HSD17B2: variants seen among roughly 807,000 people sequenced by gnomAD.
The protein encoded by HSD17B2 is hydroxysteroid 17-beta dehydrogenase 2.
In HSD17B2, 32 loss-of-function variants were observed where a neutral mutation model predicts 26.9. The ratio of observed to expected loss-of-function variants is 1.19; its 90% CI spans 0.90 to 1.60. The LOEUF (loss-of-function observed/expected upper bound fraction) is 1.60, where lower values mean the gene tolerates loss of function less well. HSD17B2 is among the 40% of genes most tolerant of loss of function. The probability of loss-of-function intolerance (pLI) is 0.00; values close to 1 mark genes in which losing one functional copy is unlikely to be tolerated. For synonymous variants in HSD17B2, 246 were observed against 186.7 expected (o/e 1.32, Z -2.59); for missense variants, 613 against 468.6 (o/e 1.31, Z -2.85).
At chr16:82,039,386 G>A (rs1567575616) in intron 1 of HSD17B2, among the ~76,000 whole-genome samples, 1 of 151,830 alleles carries the variant, frequency 6.6e-6, no homozygotes, top group Non-Finnish European at 1.5e-5. Context: ...ACTGTATTGG[G>A]GTGGTGAGGG....
chr16:82,054,061 C>A (rs1222402766), intron 1 of HSD17B2, among the ~76,000 whole-genome samples: 1 of 152,122 alleles, frequency 6.6e-6, no homozygotes, highest in African/African-American at 2.4e-5. Context: ...AGCATGTCTA[C>A]AAATTCCCAA....
chr16:82,056,287 C>T (rs1914265618), intron 1 of HSD17B2, among the ~76,000 whole-genome samples: 1 of 152,148 alleles, frequency 6.6e-6, no homozygotes, highest in African/African-American at 2.4e-5. Context: ...TTAGTTTTCT[C>T]TTTTTTGTGT....
chr16:82,089,588 C>T (rs1904624879), intron 3 of HSD17B2, among the ~76,000 whole-genome samples: 1 of 152,132 alleles, frequency 6.6e-6, no homozygotes, highest in African/African-American at 2.4e-5. Context: ...CTTAAAACAT[C>T]AGAAATTTTT....
chr16:82,093,697 A>G (rs894032631), intron 4 of HSD17B2: 2 of 152,220 alleles, frequency 1.3e-5, no homozygotes, highest in Non-Finnish European at 2.9e-5. Flanking sequence ...ATTTGGGGTG[A>G]ATCTGTAGAG....
At position 82,098,308 on chromosome 16, in the gene HSD17B2, T is replaced by A. The variant is rs1406881859; in HGVS notation, c.1036T>A (p.Leu346Met). 6.2e-7 allele frequency: 1 copy of A among 1,614,200 alleles called. No individual in the cohort carries two copies. The highest frequency in any genetic ancestry group is 1.1e-5 in the South Asian group (1 of 91,082). Residue 346 changes from leucine (L) to methionine (M), a missense_variant, in exon 5 of 5, where the codon TTG becomes ATG. By Grantham distance (15) the Leu-to-Met change is conservative. Coordinates refer to ENST00000199936, the MANE Select transcript of HSD17B2 (RefSeq NM_002153.3). ...TTACACGCCAGGGAAAGGCGCTTACTTGTGGATCTGCCTTGCTCACTATTT... is the reference window on the plus strand; with the variant it reads ...TTACACGCCAGGGAAAGGCGCTTACATGTGGATCTGCCTTGCTCACTATTT... ...AYYTPGKGAY[L>M]WICLAHYLPI...
At chr16:82,096,176 A>G (rs1232211321) in intron 4 of HSD17B2, 1 of 152,200 alleles carries the variant, frequency 6.6e-6, no homozygotes, top group Non-Finnish European at 1.5e-5. Context: ...AAAAACATAA[A>G]TGAAAATTAT....
chr16:82,071,055 G>C lies in HSD17B2; in HGVS notation c.592G>C (p.Glu198Gln), dbSNP rs199677279. Residue 198 changes from glutamate (E) to glutamine (Q), a missense_variant, in exon 3 of 5, where the codon GAG becomes CAG. By Grantham distance (29) the Glu-to-Gln change is conservative. Coordinates refer to ENST00000199936, the MANE Select transcript of HSD17B2 (RefSeq NM_002153.3). ...CMAVNFFGTV[E>Q]VTKTFLPLLR... is the part of the protein sequence containing the mutation. Reference sequence around the variant, plus strand: ...GGCCGTGAACTTCTTTGGAACTGTGGAGGTCACAAAGACGTTTTTGCCTCT... The same window carrying C: ...GGCCGTGAACTTCTTTGGAACTGTGCAGGTCACAAAGACGTTTTTGCCTCT... 6.2e-7 allele frequency: 1 copy of C among 1,614,170 alleles called. No individual in the cohort carries two copies. The highest frequency in any genetic ancestry group is 1.3e-5 in the African/African-American group (1 of 75,058).
At position 82,041,642 on chromosome 16, in the gene HSD17B2, A is replaced by C. The variant is rs1913768445; in HGVS notation, c.265+5953A>C. ...CTTCTGCTCCAGCACTGCCGACCAT[A>C]CTTTCTTTCTTTTCATGGCCTCGTT... is the stretch of plus-strand genomic sequence containing the variant. On this transcript the variant is annotated intron_variant, in intron 1 of 4. Transcript: ENST00000199936. 1.3e-5 allele frequency among the ~76,000 whole-genome samples: 2 copies of C among 152,146 alleles called. 1 individual carries two copies. Among genetic ancestry groups the C allele is most frequent in the South Asian group, 4.1e-4 (2 of 4,820 alleles).
At chr16:82,066,401 T>A (rs144914557) in intron 1 of HSD17B2, among the ~76,000 whole-genome samples, 59 of 152,268 alleles carry the variant, frequency 3.9e-4, no homozygotes, top group Middle Eastern at 3.4e-3. Context: ...TGACTATCAT[T>A]CTCTCTCTGG....
chr16:82,058,931 A>T (rs2143956995), intron 1 of HSD17B2, among the ~76,000 whole-genome samples: 1 of 152,192 alleles, frequency 6.6e-6, no homozygotes, highest in Admixed American at 6.5e-5. Flanking sequence ...GGACTGTGAT[A>T]CTTCTTCATT....
In HSD17B2 at chr16:82,098,385, G is replaced by A. The variant is rs747168772; in HGVS notation, c.1113G>A (p.Lys371=). ...YFAKRHFGQD[K]PMPRALRMPN... ...CTAAAAGACATTTTGGCCAAGACAA[G>A]CCCATGCCCAGAGCTCTAAGAATGC... Residue 371 remains lysine, a synonymous_variant, in exon 5 of 5, where the codon AAG becomes AAA. Transcript: ENST00000199936. 7 of 1,613,996 alleles carry A rather than the reference G, an allele frequency of 4.3e-6. No homozygotes were observed. Among genetic ancestry groups the A allele is most frequent in the South Asian group, 1.1e-5 (1 of 91,034 alleles).
intron 3 of HSD17B2, among the ~76,000 whole-genome samples, chr16:82,083,983 G>C (rs777993777): frequency 2.0e-5 from 3 of 152,252 alleles, no homozygotes; most frequent in Middle Eastern, 3.4e-3. Flanking sequence ...GCCTAAAGTC[G>C]CCAGTTTTGC....
At chr16:82,087,562 C>T (rs1904563004) in intron 3 of HSD17B2, among the ~76,000 whole-genome samples, 1 of 152,142 alleles carries the variant, frequency 6.6e-6, no homozygotes, top group East Asian at 1.9e-4. Flanking sequence ...ATGCAAAAGA[C>T]AAATGAGTCT....
chr16:82,090,324 T>TG (rs1904652236), intron 3 of HSD17B2: 2 of 342,304 alleles, frequency 5.8e-6, no homozygotes, highest in Non-Finnish European at 7.9e-6. Flanking sequence ...TTTTTTTTTT[T>TG]TTTTTTTTTT....
At chr16:82,090,729 C>G (rs551766826) in intron 3 of HSD17B2, among the ~76,000 whole-genome samples, 173 bp from the exon 4 acceptor site, 1 of 152,320 alleles carries the variant, frequency 6.6e-6, no homozygotes, top group East Asian at 1.9e-4. Context: ...TGAAGCTACA[C>G]TGTGGGAATG....
chr16:82,066,398 C>T (rs999270302), intron 1 of HSD17B2, among the ~76,000 whole-genome samples: 1 of 152,196 alleles, frequency 6.6e-6, no homozygotes. Context: ...CCATGACTAT[C>T]ATTCTCTCTC....
chr16:82,094,402 G>A (rs1162537965), intron 4 of HSD17B2: 1 of 152,204 alleles, frequency 6.6e-6, no homozygotes, highest in Non-Finnish European at 1.5e-5. Context: ...TGAGGAGCAG[G>A]TTTCATTGAC....
Position 82,060,079 on chromosome 16 carries a change from A to T in HSD17B2, c.266-8091A>T, listed in dbSNP as rs8191108. On this transcript the variant is annotated intron_variant, in intron 1 of 4. Transcript: ENST00000199936. ...TTATTTTGACCTCAGGGCAGTCCTA[A>T]GTATGCTAGAGTTTTGTTGTATTTC... 2.0e-5 allele frequency among the ~76,000 whole-genome samples: 3 copies of T among 152,336 alleles called. No individual in the cohort carries two copies. The South Asian group carries it at 6.2e-4, about 32-fold the overall frequency.
chr16:82,046,937 A>G (rs1051247263), intron 1 of HSD17B2, among the ~76,000 whole-genome samples: 4 of 152,244 alleles, frequency 2.6e-5, no homozygotes, highest in Non-Finnish European at 5.9e-5. Context: ...AAGCAGTGCA[A>G]AAAGGTAGAT....
Sources: gnomAD v4.1 joint callset for allele counts (sites outside exome capture counted in the v4.1 genomes callset) on GRCh38, gnomAD v4.1.1 for gene constraint, MANE v1.5 for transcripts, NCBI Gene and HGNC (gene_info 2026-07-23, HGNC 2026-07-21) for gene names.